CFAP44: variants seen among roughly 807,000 people sequenced by gnomAD.
CFAP44 encodes cilia and flagella associated protein 44.
CFAP44 carries 134 observed loss-of-function variants against 216.2 expected under a neutral mutation model. That is an observed-to-expected ratio of 0.62 (90% CI 0.54 to 0.72). The LOEUF is 0.72. CFAP44 is among the 30% of genes least tolerant of loss of function. CFAP44 has a pLI of 0.00. For missense variants in CFAP44, 2,035 were observed against 2,182.1 expected, an observed-to-expected ratio of 0.93 and a Z score of 1.34; for synonymous variants, 700 against 727.6, an observed-to-expected ratio of 0.96 and a Z score of 0.61.
At chr3:113,399,462 T>A (rs1934084160) in intron 13 of CFAP44, among the ~76,000 whole-genome samples, 1 of 147,504 alleles carries the variant, frequency 6.8e-6, no homozygotes, top group South Asian at 2.1e-4. Flanking sequence ...TTATTTTGAC[T>A]ACTATCTGCC....
chr3:113,330,354 A>G lies in CFAP44; in HGVS notation c.3930T>C (p.Ser1310=), dbSNP rs1410854232. The change falls in exon 26 of 35, where the codon TCT becomes TCC. Residue 1310 remains serine (S), a synonymous_variant. Coordinates refer to ENST00000393845, the MANE Select transcript of CFAP44 (RefSeq NM_001164496.2). ...TTGTCAAATCCCCATCCTTTCTAGA[A>G]GAGAGTTTGAGGAATCCTCCAACTG... is the stretch of plus-strand genomic sequence containing the variant. ...GGPVGGFLKL[S]SRKDGDLTTR... The G allele has an allele frequency of 7.2e-6, 11 of 1,537,202 alleles. No individual in the cohort carries two copies. Among genetic ancestry groups the G allele is most frequent in the Non-Finnish European group, 9.6e-6 (11 of 1,146,920 alleles).
At chr3:113,365,418 G>A (rs1264837037) in intron 19 of CFAP44, among the ~76,000 whole-genome samples, 1 of 152,010 alleles carries the variant, frequency 6.6e-6, no homozygotes, top group African/African-American at 2.4e-5. Context: ...CAATTCTAAT[G>A]GTTATTACCT....
chr3:113,320,801 A>AT lies in CFAP44; in HGVS notation c.4516+5643dup, dbSNP rs1249231519. 2.0e-5 allele frequency among the ~76,000 whole-genome samples: 3 copies of AT among 151,892 alleles called. No individual in the cohort carries two copies. In the East Asian group the frequency reaches 5.8e-4, roughly 29 times the overall value. On this transcript the variant is annotated intron_variant, in intron 28 of 34. Transcript: ENST00000393845. ...GGCTAGGCCAGTCTAGTTTTTTCACATTTTTCTGCCAGCTTTATATTCTAG... is the reference window on the plus strand; with the variant it reads ...GGCTAGGCCAGTCTAGTTTTTTCACATTTTTTCTGCCAGCTTTATATTCTAG...
intron 7 of CFAP44, among the ~76,000 whole-genome samples, chr3:113,407,535 C>T (rs1411852482): frequency 6.6e-6 from 1 of 152,136 alleles, no homozygotes; most frequent in African/African-American, 2.4e-5. Flanking sequence ...TTCTAATTTA[C>T]TAGCTGTGTG....
At chr3:113,372,927 C>G (rs1257514202) in intron 18 of CFAP44, among the ~76,000 whole-genome samples, 6 of 152,118 alleles carry the variant, frequency 3.9e-5, no homozygotes, top group African/African-American at 1.4e-4. Context: ...GCTGTATAAG[C>G]CACCTAGTCT....
chr3:113,427,271 A>T lies in CFAP44; in HGVS notation c.169T>A (p.Ser57Thr), dbSNP rs201969879. Residue 57 changes from serine to threonine, a missense_variant, in exon 3 of 35, where the codon TCA (serine) becomes ACA (threonine). Around this residue, in one of 3 missense-constraint regions of CFAP44, gnomAD observed 149 missense variants for 141.8 expected, o/e 1.05. Transcript: ENST00000393845. ...TCATCTGAGTCTTCTTCTAAATATGATCCTTCCCCTTTGGTAAATGTTTCA... is the reference window on the plus strand; with the variant it reads ...TCATCTGAGTCTTCTTCTAAATATGTTCCTTCCCCTTTGGTAAATGTTTCA... Reference protein sequence around the residue: ...TDETFTKGEGSYLEEDSDEER... With the variant: ...TDETFTKGEGTYLEEDSDEER... The T allele has an allele frequency of 6.2e-7, 1 of 1,613,210 alleles. No individual in the cohort carries two copies. Among genetic ancestry groups the T allele is most frequent in the Non-Finnish European group, 8.5e-7 (1 of 1,179,642 alleles).
At chr3:113,315,226 T>C (rs1950075785) in intron 28 of CFAP44, among the ~76,000 whole-genome samples, 1 of 151,830 alleles carries the variant, frequency 6.6e-6, no homozygotes, top group Non-Finnish European at 1.5e-5. Context: ...TCAAAGTAAA[T>C]AGATGGAAAA....
At chr3:113,396,102 C>CA (rs1163817853) in intron 14 of CFAP44, among the ~76,000 whole-genome samples, 2 of 152,060 alleles carry the variant, frequency 1.3e-5, no homozygotes, top group Non-Finnish European at 2.9e-5. Context: ...GAAATTCACA[C>CA]AAAAAAATTA....
At chr3:113,398,450 C>T (rs1934051589) in intron 13 of CFAP44, among the ~76,000 whole-genome samples, 1 of 152,126 alleles carries the variant, frequency 6.6e-6, no homozygotes, top group Admixed American at 6.6e-5. Context: ...AGCTTAAAAT[C>T]CATATGATCA....
rs1406120900 is a variant in CFAP44, at chr3:113,344,804, C to T, written c.3066-92G>A. The T allele has an allele frequency of 5.3e-6, 6 of 1,124,940 alleles. No homozygotes were observed. The East Asian group carries it at 8.1e-5, about 15-fold the overall frequency. The allele number at this position is 1,124,940 out of a possible 1,614,324, so 69.7% of individuals were successfully genotyped here. A position where few individuals can be genotyped will look rare whatever the true frequency, so the allele number is the denominator to read the frequency against. On this transcript the variant is annotated intron_variant, in intron 22 of 34. Transcript: ENST00000393845. ...TAAAATAAAACTACAATACACTATTCTTATTATATCATTATATTGTGCTAG... is the reference window on the plus strand; with the variant it reads ...TAAAATAAAACTACAATACACTATTTTTATTATATCATTATATTGTGCTAG...
At chr3:113,308,497 G>A (rs1053953013) in intron 28 of CFAP44, among the ~76,000 whole-genome samples, 2 of 152,202 alleles carry the variant, frequency 1.3e-5, no homozygotes, top group Non-Finnish European at 2.9e-5. Context: ...AGCTGCAGAT[G>A]TTGTAGTCCA....
At chr3:113,362,856 A>C in intron 21 of CFAP44, 1 of 1,146,780 alleles carries the variant, frequency 8.7e-7, no homozygotes, top group Non-Finnish European at 1.1e-6. Context: ...AAGAAAACTT[A>C]AAAGAACTCT....
chr3:113,400,640 T>C lies in CFAP44; in HGVS notation c.1379A>G (p.Gln460Arg). 6.2e-7 allele frequency: 1 copy of C among 1,609,442 alleles called. No homozygotes were observed. Among genetic ancestry groups the C allele is most frequent in the Non-Finnish European group, 8.5e-7 (1 of 1,177,834 alleles). The change falls in exon 12 of 35, where the codon CAG becomes CGG. Residue 460 changes from glutamine (Q) to arginine (R), a missense_variant. Around this residue, in one of 3 missense-constraint regions of CFAP44, gnomAD observed 1,883 missense variants for 2,023.7 expected, o/e 0.93. Coordinates refer to ENST00000393845, the MANE Select transcript of CFAP44 (RefSeq NM_001164496.2). The stretch of plus-strand genomic sequence containing the variant: ...GAAGGAGAAGAGGCATTCTGGGTCC[T>C]GGGTCTGAGAATAGATAGACAGCTT... ...KLDLSFSNIT[Q>R]DPECLFSFHS...
At chr3:113,411,742 A>T (rs1934481703) in intron 6 of CFAP44, among the ~76,000 whole-genome samples, 1 of 152,170 alleles carries the variant, frequency 6.6e-6, no homozygotes, top group Admixed American at 6.6e-5. Context: ...CAGTATGGCC[A>T]TGTTCATGAT....
chr3:113,316,885 C>G (rs1239310513), intron 28 of CFAP44, among the ~76,000 whole-genome samples: 1 of 146,310 alleles, frequency 6.8e-6, no homozygotes. Context: ...AAAAAAAAAG[C>G]AACAGGACAA....
rs992586164 is a variant in CFAP44, at chr3:113,363,304, G to A, written c.2775C>T (p.Ile925=). ...EDIEDPKAYS[I]ENARRKREHD... ...GTTCTCTTTTTCTCCTAGCATTCTC[G>A]ATACTGAAAACAGAAATTTAAAACA... is the stretch of plus-strand genomic sequence containing the variant. Residue 925 remains isoleucine, a synonymous_variant, in exon 21 of 35, where the codon ATC becomes ATT. Coordinates refer to ENST00000393845, the MANE Select transcript of CFAP44 (RefSeq NM_001164496.2). 52 of 1,598,312 alleles carry A rather than the reference G, an allele frequency of 3.3e-5. No individual in the cohort carries two copies. Among genetic ancestry groups the A allele is most frequent in the Non-Finnish European group, 4.3e-5 (51 of 1,174,870 alleles).
chr3:113,341,498 T>C lies in CFAP44; in HGVS notation c.3437+246A>G, dbSNP rs548175869. ...CTTAATTCTTAAAAATCATTCTGAC[T>C]ATACAGTATTATTAGCAAAATGGAA... is the stretch of plus-strand genomic sequence containing the variant. On this transcript the variant is annotated intron_variant, in intron 24 of 34. Coordinates refer to ENST00000393845, the MANE Select transcript of CFAP44 (RefSeq NM_001164496.2). 7.9e-5 allele frequency among the ~76,000 whole-genome samples: 12 copies of C among 152,332 alleles called. No individual in the cohort carries two copies. In the South Asian group the frequency reaches 2.3e-3, roughly 29 times the overall value.
chr3:113,439,065 A>AT (rs1935299692), intron 1 of CFAP44, among the ~76,000 whole-genome samples: 1 of 152,198 alleles, frequency 6.6e-6, no homozygotes, highest in African/African-American at 2.4e-5. Context: ...GTTCTAGACC[A>AT]TGTTCTACAT....
intron 15 of CFAP44, among the ~76,000 whole-genome samples, chr3:113,384,332 T>C (rs759667735): frequency 1.3e-5 from 2 of 152,162 alleles, no homozygotes; most frequent in Non-Finnish European, 2.9e-5. Flanking sequence ...GTGCTGGGAT[T>C]ACAGGTGTGA....
Sources: allele counts gnomAD v4.1 joint callset (sites outside exome capture counted in the v4.1 genomes callset), GRCh38; gene constraint gnomAD v4.1.1; regional missense constraint gnomAD v4.1.1; transcripts MANE v1.5; gene names NCBI Gene and HGNC (gene_info 2026-07-23, HGNC 2026-07-21).